SLC4A4: variants seen among roughly 807,000 people sequenced by gnomAD.
The protein encoded by SLC4A4 is solute carrier family 4 member 4, also known as electrogenic sodium bicarbonate cotransporter 1.
A neutral mutation model predicts 111.5 loss-of-function variants in SLC4A4; 27 were observed. That is an observed-to-expected ratio of 0.24 (90% confidence interval 0.18 to 0.33). The LOEUF (loss-of-function observed/expected upper bound fraction) is 0.33, where lower values mean the gene tolerates loss of function less well. Among genes scored for constraint, SLC4A4 ranks in the 10% least tolerant of loss-of-function variants. The pLI is 1.00. For synonymous variants in SLC4A4, 443 were observed against 463.4 expected, an observed-to-expected ratio of 0.96 and a Z score of 0.57; for missense variants, 909 against 1,315.5, an observed-to-expected ratio of 0.69 and a Z score of 4.78.
chr4:71,257,313 TA>T (rs1426609526), intron 3 of SLC4A4, among the ~76,000 whole-genome samples: 1 of 152,216 alleles, frequency 6.6e-6, no homozygotes, highest in South Asian at 2.1e-4. Flanking sequence ...TCAGTGATCA[TA>T]AAAAAATTAT....
chr4:71,373,532 A>T (rs1732072934), intron 6 of SLC4A4, among the ~76,000 whole-genome samples: 1 of 152,166 alleles, frequency 6.6e-6, no homozygotes, highest in African/African-American at 2.4e-5. Context: ...TATAAATAAG[A>T]GTTTGTATGA....
At chr4:71,091,348 G>C (rs950085786) in intron 1 of SLC4A4, among the ~76,000 whole-genome samples, 1 of 151,248 alleles carries the variant, frequency 6.6e-6, no homozygotes, top group Non-Finnish European at 1.5e-5. Flanking sequence ...CGCATTCCGG[G>C]TTCACGCCAT....
intron 7 of SLC4A4, among the ~76,000 whole-genome samples, chr4:71,439,426 A>C (rs1724478705): frequency 9.4e-6 from 1 of 106,458 alleles, no homozygotes; most frequent in Admixed American, 1.2e-4. Context: ...ACAGAGCAAG[A>C]CTCTGTCTCA....
At chr4:71,537,518 C>T (rs974539881) in intron 18 of SLC4A4, among the ~76,000 whole-genome samples, 1 of 151,420 alleles carries the variant, frequency 6.6e-6, no homozygotes, top group Non-Finnish European at 1.5e-5. Context: ...CTTTAAACTA[C>T]AAGTTTGCCT....
At chr4:71,160,269 A>G (rs1405746757) in intron 2 of SLC4A4, among the ~76,000 whole-genome samples, 1 of 152,118 alleles carries the variant, frequency 6.6e-6, no homozygotes, top group Non-Finnish European at 1.5e-5. Context: ...ATCTCTGTTT[A>G]GGAGGAACTA....
intron 2 of SLC4A4, among the ~76,000 whole-genome samples, chr4:71,101,517 G>T (rs974159698): frequency 6.6e-6 from 1 of 152,078 alleles, no homozygotes; most frequent in Non-Finnish European, 1.5e-5. Flanking sequence ...GAAATCCTTT[G>T]ATTTAAAGTC....
intron 2 of SLC4A4, among the ~76,000 whole-genome samples, chr4:71,170,890 A>G (rs1284305301): frequency 1.3e-5 from 2 of 152,230 alleles, no homozygotes; most frequent in African/African-American, 4.8e-5. Flanking sequence ...TTTAATAGGT[A>G]GAGATGAAAA....
intron 2 of SLC4A4, among the ~76,000 whole-genome samples, chr4:71,145,726 T>A (rs911023238): frequency 2.0e-5 from 3 of 152,240 alleles, no homozygotes; most frequent in African/African-American, 7.2e-5. Flanking sequence ...TTTTCTAGTT[T>A]ATTTGCGTAG....
chr4:71,418,595 T>C (rs1579055011), intron 7 of SLC4A4, among the ~76,000 whole-genome samples: 1 of 152,222 alleles, frequency 6.6e-6, no homozygotes, highest in Admixed American at 6.5e-5. Context: ...ATTTAGTCAT[T>C]GGAAATATTC....
intron 3 of SLC4A4, among the ~76,000 whole-genome samples, chr4:71,286,172 G>A (rs1159851323): frequency 6.6e-6 from 1 of 152,134 alleles, no homozygotes; most frequent in East Asian, 1.9e-4. Context: ...CCTGGGAGGT[G>A]GAGCTTTCAG....
intron 5 of SLC4A4, among the ~76,000 whole-genome samples, chr4:71,350,680 C>T (rs1005150152): frequency 6.6e-6 from 1 of 152,176 alleles, no homozygotes; most frequent in African/African-American, 2.4e-5. Flanking sequence ...AACACAAATG[C>T]TGCAGCATTC....
chr4:71,121,240 TC>T (rs1023908150), intron 2 of SLC4A4, among the ~76,000 whole-genome samples: 1 of 146,074 alleles, frequency 6.8e-6, no homozygotes, highest in African/African-American at 2.6e-5. Context: ...GGCTGTGGGC[TC>T]CCATGCTGCC....
At chr4:71,158,182 AT>A (rs1744529645) in intron 2 of SLC4A4, among the ~76,000 whole-genome samples, 1 of 106,600 alleles carries the variant, frequency 9.4e-6, no homozygotes, top group African/African-American at 3.7e-5. Flanking sequence ...TTTTATTTTT[AT>A]TTTTTAGGAA....
At chr4:71,402,075 T>C (rs1399678415) in intron 7 of SLC4A4, among the ~76,000 whole-genome samples, 1 of 152,228 alleles carries the variant, frequency 6.6e-6, no homozygotes, top group Non-Finnish European at 1.5e-5. Flanking sequence ...TATGTTTAAA[T>C]ATATTTTGCT....
At chr4:71,564,681 G>A (rs1226152008) in intron 24 of SLC4A4, among the ~76,000 whole-genome samples, 2 of 151,846 alleles carry the variant, frequency 1.3e-5, no homozygotes, top group African/African-American at 4.8e-5. Flanking sequence ...GCACTTCAGA[G>A]TACACTGATC....
chr4:71,362,753 C>T (rs538494282), intron 6 of SLC4A4, among the ~76,000 whole-genome samples: 1 of 152,260 alleles, frequency 6.6e-6, no homozygotes, highest in South Asian at 2.1e-4. Flanking sequence ...TCCTAAATCA[C>T]ACTGGAAATC....
At chr4:71,416,918 G>A (rs1721876494) in intron 7 of SLC4A4, among the ~76,000 whole-genome samples, 1 of 152,092 alleles carries the variant, frequency 6.6e-6, no homozygotes, top group Non-Finnish European at 1.5e-5. Context: ...ACTTCAGCAG[G>A]GAATTTTTTT....
rs560397260 is a variant in SLC4A4, at chr4:71,307,269, A to T, written c.254-32101A>T. The stretch of plus-strand genomic sequence containing the variant: ...CCTAATTCATAACCTCACCCAGGGC[A>T]TTGTATGCACATGCATTTTATACAC... On this transcript the variant is annotated intron_variant, in intron 3 of 25. Transcript: ENST00000264485. Among the ~76,000 whole-genome samples, 517 of 152,316 alleles carry T rather than the reference A, an allele frequency of 3.4e-3. 3 individuals are homozygous for T. The highest frequency in any genetic ancestry group is 5.5e-3 in the Non-Finnish European group (376 of 68,030).
At chr4:71,244,168 G>T (rs1190834370) in intron 2 of SLC4A4, among the ~76,000 whole-genome samples, 1 of 152,152 alleles carries the variant, frequency 6.6e-6, no homozygotes, top group African/African-American at 2.4e-5. Flanking sequence ...ACGTGTGTTT[G>T]ACAAATTAAA....
Sources: gnomAD v4.1 joint callset for allele counts (sites outside exome capture counted in the v4.1 genomes callset) on GRCh38, gnomAD v4.1.1 for gene constraint, MANE v1.5 for transcripts, NCBI Gene and HGNC (gene_info 2026-07-23, HGNC 2026-07-21) for gene names.